The following ZNF385B variants were observed in gnomAD, a reference collection of about 807,000 sequenced individuals.
The protein encoded by ZNF385B is zinc finger protein 533.
A neutral mutation model predicts 39.2 loss-of-function variants in ZNF385B; 23 were observed. The ratio of observed to expected loss-of-function variants is 0.59; its 90% CI spans 0.42 to 0.83. ZNF385B has a LOEUF of 0.83. Ranked by LOEUF, ZNF385B falls within the 40% of genes least tolerant of loss-of-function variation. The pLI is 0.00. For synonymous variants in ZNF385B, 205 were observed against 222.6 expected, an observed-to-expected ratio of 0.92 and a Z score of 0.70; for missense variants, 552 against 598.9, an observed-to-expected ratio of 0.92 and a Z score of 0.82.
intron 1 of ZNF385B, chr2:179,814,570 A>T: frequency 1.3e-6 from 1 of 760,650 alleles, no homozygotes; most frequent in Non-Finnish European, 2.2e-6. Flanking sequence ...GCCATGGAGG[A>T]CAAGCAGGAG....
At chr2:179,822,120 A>G (rs1707432635) in intron 1 of ZNF385B, among the ~76,000 whole-genome samples, 1 of 152,222 alleles carries the variant, frequency 6.6e-6, no homozygotes, top group Non-Finnish European at 1.5e-5. Context: ...TTCCTACACA[A>G]TAGGTTCCTA....
chr2:179,798,568 C>T (rs1245145316), intron 1 of ZNF385B, among the ~76,000 whole-genome samples: 1 of 152,128 alleles, frequency 6.6e-6, no homozygotes, highest in Admixed American at 6.6e-5. Context: ...TATGCAAGGA[C>T]ACAAACATAA....
At chr2:179,515,690 G>T (rs2058042011) in intron 5 of ZNF385B, among the ~76,000 whole-genome samples, 8 of 151,942 alleles carry the variant, frequency 5.3e-5, no homozygotes, top group Admixed American at 5.2e-4. Context: ...TACTTTAGTA[G>T]TTATATCTCT....
intron 3 of ZNF385B, among the ~76,000 whole-genome samples, chr2:179,691,670 T>A (rs1363348935): frequency 1.3e-5 from 2 of 152,140 alleles, no homozygotes; most frequent in East Asian, 3.8e-4. Flanking sequence ...CCAGGTAAAA[T>A]ATAGGATGTC....
chr2:179,801,645 A>T (rs562430624), intron 1 of ZNF385B, among the ~76,000 whole-genome samples: 5 of 152,278 alleles, frequency 3.3e-5, no homozygotes, highest in Non-Finnish European at 7.4e-5. Flanking sequence ...AGGGCTTATC[A>T]CGGCCCCTGC....
chr2:179,617,546 T>C (rs1689853404), intron 3 of ZNF385B, among the ~76,000 whole-genome samples: 1 of 152,200 alleles, frequency 6.6e-6, no homozygotes, highest in Non-Finnish European at 1.5e-5. Context: ...TCGATTTTAG[T>C]GTGCATGAGA....
At chr2:179,522,448 A>C (rs988005154) in intron 4 of ZNF385B, among the ~76,000 whole-genome samples, 1 of 152,182 alleles carries the variant, frequency 6.6e-6, no homozygotes, top group Non-Finnish European at 1.5e-5. Flanking sequence ...ATGAATAAAA[A>C]GTTCAGGATT....
chr2:179,831,488 C>A (rs1707983402), intron 1 of ZNF385B, among the ~76,000 whole-genome samples: 1 of 145,002 alleles, frequency 6.9e-6, no homozygotes, highest in Admixed American at 6.9e-5. Context: ...GATCAAGTTG[C>A]TTTGAAAAAA....
intron 5 of ZNF385B, 76 bp downstream of exon 5, chr2:179,518,452 A>G: frequency 4.8e-6 from 5 of 1,052,144 alleles, no homozygotes; most frequent in Non-Finnish European, 7.0e-6. Flanking sequence ...GTAAATATGA[A>G]GAAATGTACG....
chr2:179,442,885 T>G lies in ZNF385B; in HGVS notation c.*365A>C. ...GTTTTCAAGTCTGTCAGGAAAATATTCCATATTGTTTTAAGCCAGATCATA... is the reference window on the plus strand; with the variant it reads ...GTTTTCAAGTCTGTCAGGAAAATATGCCATATTGTTTTAAGCCAGATCATA... On this transcript the variant is annotated 3_prime_UTR_variant, in exon 10 of 10. Coordinates refer to ENST00000410066, the MANE Select transcript of ZNF385B (RefSeq NM_152520.6). The G allele has an allele frequency of 3.5e-6, 1 of 287,112 alleles. No individual in the cohort carries two copies. The highest frequency in any genetic ancestry group is 3.7e-5 in the South Asian group (1 of 27,062). 17.8% of individuals were successfully genotyped at this position (287,112 alleles called of 1,614,324 possible).
intron 3 of ZNF385B, among the ~76,000 whole-genome samples, chr2:179,729,575 A>G (rs964865689): frequency 6.6e-6 from 1 of 152,220 alleles, no homozygotes; most frequent in Non-Finnish European, 1.5e-5. Flanking sequence ...TAATGCTTAC[A>G]TGAAGTACTC....
chr2:179,538,539 T>C (rs1410369799), intron 4 of ZNF385B, among the ~76,000 whole-genome samples: 1 of 152,146 alleles, frequency 6.6e-6, no homozygotes, highest in Non-Finnish European at 1.5e-5. Context: ...TCATCAATAT[T>C]GCCAAACCAC....
intron 6 of ZNF385B, among the ~76,000 whole-genome samples, chr2:179,466,915 CAAAAAAAAAAAA>C (rs777679885): frequency 0.013 from 340 of 26,946 alleles, 2 homozygotes; most frequent in African/African-American, 0.04. Context: ...GCAAGACTGT[CAAAAAAAAAAAA>C]AAAAAAAAAA....
At chr2:179,518,852 C>T (rs1018377173) in intron 4 of ZNF385B, among the ~76,000 whole-genome samples, 1 of 152,012 alleles carries the variant, frequency 6.6e-6, no homozygotes, top group Non-Finnish European at 1.5e-5. Context: ...GCTTTGAAAA[C>T]ATAACTCAGA....
chr2:179,701,020 CAAAACA>C (rs900762449), intron 3 of ZNF385B, among the ~76,000 whole-genome samples: 1 of 151,974 alleles, frequency 6.6e-6, no homozygotes, highest in Non-Finnish European at 1.5e-5. Context: ...TTCAAAAAAA[CAAAACA>C]AAAACAAAAA....
At chr2:179,619,942 A>C (rs1690071362) in intron 3 of ZNF385B, among the ~76,000 whole-genome samples, 1 of 152,216 alleles carries the variant, frequency 6.6e-6, no homozygotes, top group South Asian at 2.1e-4. Flanking sequence ...TTTACTAGCT[A>C]TGTGACCTTA....
chr2:179,645,197 G>A (rs112330185), intron 3 of ZNF385B, among the ~76,000 whole-genome samples: 142 of 152,284 alleles, frequency 9.3e-4, no homozygotes, highest in African/African-American at 3.0e-3. Context: ...GGCTCAGCAC[G>A]GCAGCTGGAA....
intron 1 of ZNF385B, among the ~76,000 whole-genome samples, chr2:179,807,066 G>A (rs916429559): frequency 4.6e-5 from 7 of 152,122 alleles, no homozygotes; most frequent in African/African-American, 1.4e-4. Context: ...CTAGGTATAC[G>A]GTTGAGAAAA....
intron 3 of ZNF385B, among the ~76,000 whole-genome samples, chr2:179,590,394 GCGCCATT>G (rs1358498060): frequency 6.6e-6 from 1 of 152,114 alleles, no homozygotes; most frequent in Non-Finnish European, 1.5e-5. Context: ...ACTTCTACCT[GCGCCATT>G]TTGCCTATTT....
Sources: allele counts gnomAD v4.1 joint callset (sites outside exome capture counted in the v4.1 genomes callset), GRCh38; gene constraint gnomAD v4.1.1; transcripts MANE v1.5; gene names NCBI Gene and HGNC (gene_info 2026-07-23, HGNC 2026-07-21).